Variants in TUSC3 observed in about 807,000 individuals in gnomAD.
TUSC3 encodes the protein dolichyl-diphosphooligosaccharide--protein glycosyltransferase subunit TUSC3.
Under a neutral mutation model 44.8 loss-of-function variants are expected in TUSC3, and 45 were observed. That is an observed-to-expected ratio of 1.00 (90% confidence interval 0.79 to 1.29). The LOEUF (loss-of-function observed/expected upper bound fraction) is 1.29. TUSC3 is among the 50% of genes most tolerant of loss of function. TUSC3 has a pLI of 0.00. For synonymous variants in TUSC3, 212 were observed against 152.9 expected (o/e 1.39, Z -2.85); for missense variants, 519 against 437.9 (o/e 1.19, Z -1.65).
At position 15,461,406 on chromosome 8, in the gene TUSC3, T is replaced by C. The variant is rs573341889; in HGVS notation, n.92-21980T>C. 1.3e-4 allele frequency among the ~76,000 whole-genome samples: 20 copies of C among 152,244 alleles called. 1 individual carries two copies. In the South Asian group the frequency reaches 3.5e-3, roughly 27 times the overall value. On this transcript the variant is annotated intron_variant and non_coding_transcript_variant, in intron 1 of 5. Transcript: ENST00000503191. ...TTTTGTATCCAGAAACTTTACTGAATTCTTTTATCAGTTCTAGGGGCTTTC... is the reference window on the plus strand; with the variant it reads ...TTTTGTATCCAGAAACTTTACTGAACTCTTTTATCAGTTCTAGGGGCTTTC...
At chr8:15,492,686 C>G (rs193285334) in intron 2 of TUSC3, among the ~76,000 whole-genome samples, 1 of 151,794 alleles carries the variant, frequency 6.6e-6, no homozygotes, top group Admixed American at 6.6e-5. Flanking sequence ...CCTGTAATCC[C>G]AGCTCTTAGG....
rs1183442864 is a variant in TUSC3 at position 15,655,875 on chromosome 8, G to A, written c.427-3632G>A. 2.6e-5 allele frequency among the ~76,000 whole-genome samples: 4 copies of A among 152,052 alleles called. No individual in the cohort carries two copies. In the East Asian group the frequency reaches 7.8e-4, roughly 29 times the overall value. ...TTCTTCCCCAAACCACCTTATTTTT[G>A]CATAAGTTGGTTAAATCTAAATTCT... On this transcript the variant is annotated intron_variant, in intron 3 of 10. Coordinates refer to ENST00000503731, the MANE Select transcript of TUSC3 (RefSeq NM_006765.4).
intron 3 of TUSC3, among the ~76,000 whole-genome samples, chr8:15,652,640 A>T (rs1486729131): frequency 6.6e-6 from 1 of 152,190 alleles, no homozygotes; most frequent in Non-Finnish European, 1.5e-5. Context: ...AATAAAGGAA[A>T]ATTAGAGTAC....
intron 2 of TUSC3, among the ~76,000 whole-genome samples, chr8:15,521,364 A>G (rs1016275440): frequency 6.6e-6 from 1 of 152,058 alleles, no homozygotes; most frequent in Admixed American, 6.6e-5. Context: ...ACACTACCAG[A>G]ATGATTATAG....
the TUSC3 span, among the ~76,000 whole-genome samples, chr8:15,777,243 T>C: frequency 1.3e-5 from 2 of 152,136 alleles, no homozygotes; most frequent in African/African-American, 2.4e-5. Context: ...CAATGAAAAT[T>C]CAAGGTATCT....
At chr8:15,712,934 T>C (rs1809916498) in intron 6 of TUSC3, among the ~76,000 whole-genome samples, 1 of 152,144 alleles carries the variant, frequency 6.6e-6, no homozygotes, top group Non-Finnish European at 1.5e-5. Context: ...CGTAGCTCCA[T>C]TGATAATTAC....
At chr8:15,821,148 G>T in the TUSC3 span, among the ~76,000 whole-genome samples, 1 of 151,992 alleles carries the variant, frequency 6.6e-6, no homozygotes, top group African/African-American at 2.4e-5. Flanking sequence ...TCTGAAAAAT[G>T]TTTATGATGT....
intron 2 of TUSC3, among the ~76,000 whole-genome samples, chr8:15,635,699 G>A (rs1806038012): frequency 6.6e-6 from 1 of 152,198 alleles, no homozygotes; most frequent in Admixed American, 6.5e-5. Flanking sequence ...AGATGCGTAT[G>A]ATGCCTTGAC....
intron 3 of TUSC3, among the ~76,000 whole-genome samples, chr8:15,658,639 T>C (rs112128536): frequency 0.11 from 16,807 of 148,628 alleles, 1,598 homozygotes; most frequent in African/African-American, 0.26. Context: ...CACATATATA[T>C]ACACACACAC....
intron 1 of TUSC3, among the ~76,000 whole-genome samples, chr8:15,449,023 T>C (rs572937925): frequency 6.6e-6 from 1 of 152,314 alleles, no homozygotes; most frequent in South Asian, 2.1e-4. Flanking sequence ...CACATTCATT[T>C]ACCACTGTTA....
intron 6 of TUSC3, among the ~76,000 whole-genome samples, chr8:15,721,397 A>T (rs1810299842): frequency 6.6e-6 from 1 of 152,078 alleles, no homozygotes; most frequent in East Asian, 1.9e-4. Flanking sequence ...TTACATTTAT[A>T]ATAATGATAT....
At chr8:15,449,050 A>G (rs1238852213) in intron 1 of TUSC3, among the ~76,000 whole-genome samples, 2 of 152,196 alleles carry the variant, frequency 1.3e-5, no homozygotes, top group East Asian at 3.9e-4. Flanking sequence ...GAATGAGGAC[A>G]TCTATAAATT....
chr8:15,509,362 G>A lies in TUSC3; in HGVS notation n.189+25879G>A, dbSNP rs75825372. ...GATGGCTCATGCCTGTAATCCGAAC[G>A]CTTTGGGAGGCCAAGGCAGGCAAAT... On this transcript the variant is annotated intron_variant and non_coding_transcript_variant, in intron 2 of 5. Transcript: ENST00000503191. Among the ~76,000 whole-genome samples the A allele has an allele frequency of 1.9e-4, 29 of 152,196 alleles. No individual in the cohort carries two copies. In the East Asian group the frequency reaches 4.5e-3, roughly 23 times the overall value.
At chr8:15,438,445 GC>G (rs112095295) in intron 1 of TUSC3, among the ~76,000 whole-genome samples, 24,457 of 151,818 alleles carry the variant, frequency 0.16, 2,017 homozygotes, top group Middle Eastern at 0.22. Context: ...TGTGCATGGT[GC>G]CTGGTATAGT....
intron 1 of TUSC3, among the ~76,000 whole-genome samples, chr8:15,611,500 T>G (rs1045354566): frequency 2.0e-5 from 3 of 152,206 alleles, no homozygotes; most frequent in African/African-American, 7.2e-5. Flanking sequence ...TTTTTGCTTT[T>G]GAATGTAATG....
rs2129226203 is a variant in TUSC3, at chr8:15,765,512, A to T, written c.*1356A>T. The T allele has an allele frequency of 6.6e-6, 1 of 152,126 alleles. No homozygotes were observed. Among genetic ancestry groups the T allele is most frequent in the East Asian group, 1.9e-4 (1 of 5,178 alleles). 9.4% of individuals were successfully genotyped at this position (152,126 alleles called of 1,614,324 possible). ...TTACTTACTTAAATCTGTGAATTTC[A>T]ATGAAGAATGGGAATATAAAGGCCT... On this transcript the variant is annotated 3_prime_UTR_variant, in exon 11 of 11. Transcript: ENST00000503731.
At chr8:15,797,110 T>C in the TUSC3 span, among the ~76,000 whole-genome samples, 1 of 152,202 alleles carries the variant, frequency 6.6e-6, no homozygotes, top group Admixed American at 6.5e-5. Context: ...GCAGCTTCTC[T>C]TTATCAGAGG....
intron 2 of TUSC3, among the ~76,000 whole-genome samples, chr8:15,632,188 T>C (rs1375226967): frequency 6.6e-6 from 1 of 152,220 alleles, no homozygotes; most frequent in Non-Finnish European, 1.5e-5. Context: ...CTGTTACATT[T>C]GTTACACCTC....
At chr8:15,741,694 T>G (rs1032663466) in intron 7 of TUSC3, among the ~76,000 whole-genome samples, 1 of 145,556 alleles carries the variant, frequency 6.9e-6, no homozygotes, top group Non-Finnish European at 1.5e-5. Flanking sequence ...CTCTAAAAAT[T>G]AAAAAAAAAA....
Sources: allele counts gnomAD v4.1 joint callset (sites outside exome capture counted in the v4.1 genomes callset), GRCh38; gene constraint gnomAD v4.1.1; transcripts MANE v1.5; gene names NCBI Gene and HGNC (gene_info 2026-07-23, HGNC 2026-07-21).